Variants in ZDHHC22 observed in about 807,000 individuals in gnomAD.
ZDHHC22 encodes the protein zDHHC palmitoyltransferase 22, also known as palmitoyltransferase ZDHHC22.
ZDHHC22 carries 13 observed loss-of-function variants against 17.0 expected under a neutral mutation model. The ratio of observed to expected loss-of-function variants is 0.76; its 90% CI spans 0.50 to 1.21. ZDHHC22 has a LOEUF of 1.21. Ranked by LOEUF, ZDHHC22 falls within the 50% of genes most tolerant of loss-of-function variation. ZDHHC22 has a pLI of 0.00. For synonymous variants in ZDHHC22, 138 were observed against 154.7 expected (o/e 0.89, Z 0.80); for missense variants, 319 against 342.3 (o/e 0.93, Z 0.54).
intron 2 of ZDHHC22, among the ~76,000 whole-genome samples, chr14:77,134,973 G>A (rs1296600382): frequency 6.6e-6 from 1 of 152,200 alleles, no homozygotes; most frequent in East Asian, 1.9e-4. Context: ...TACAGAGCAG[G>A]AGACTACATC....
rs1451384725 is a variant in ZDHHC22 at position 77,141,706 on chromosome 14, G to C, written c.-118C>G. The C allele has an allele frequency of 6.6e-6, 1 of 152,314 alleles. No homozygotes were observed. Among genetic ancestry groups the C allele is most frequent in the African/African-American group, 2.4e-5 (1 of 41,450 alleles). The allele number at this position is 152,314 out of a possible 1,614,324, so 9.4% of individuals were successfully genotyped here. A position where few individuals can be genotyped will look rare whatever the true frequency, so the allele number is the denominator to read the frequency against. ...CCGGCTGGCTCGCAGCCTGCGCTTCGCTTCGGGAACTGGGCAAGTAGCGGG... is the reference window on the plus strand; with the variant it reads ...CCGGCTGGCTCGCAGCCTGCGCTTCCCTTCGGGAACTGGGCAAGTAGCGGG... On this transcript the variant is annotated 5_prime_UTR_variant, in exon 1 of 3. Coordinates refer to ENST00000319374, the MANE Select transcript of ZDHHC22 (RefSeq NM_174976.2).
At chr14:77,141,821 C>T (rs1887262273), upstream of ZDHHC22, 1 of 152,240 alleles carries the variant, frequency 6.6e-6, no homozygotes, top group South Asian at 2.1e-4. Context: ...GGCAGCTGGG[C>T]ACCCCCCAGC....
intron 2 of ZDHHC22, among the ~76,000 whole-genome samples, chr14:77,137,377 G>T (rs767581678): frequency 7.9e-5 from 12 of 152,160 alleles, no homozygotes; most frequent in Non-Finnish European, 1.5e-4. Context: ...ATATGGACAG[G>T]CCTCAAGCCC....
Position 77,139,486 on chromosome 14 carries a change from T to G in ZDHHC22, c.253A>C (p.Arg85=). The G allele has an allele frequency of 6.2e-7, 1 of 1,613,000 alleles. No individual in the cohort carries two copies. The highest frequency in any genetic ancestry group is 8.5e-7 in the Non-Finnish European group (1 of 1,179,590). ...DLGACQGASA[R]KTPCPSPSTH... The stretch of plus-strand genomic sequence containing the variant: ...CTAGGTGAGGGGCATGGAGTCTTCC[T>G]GGCCGAGGCCCCCTGGCAGGCCCCC... The change falls in exon 2 of 3, where the codon AGG becomes CGG. Residue 85 remains arginine (R), a synonymous_variant. Coordinates refer to ENST00000319374, the MANE Select transcript of ZDHHC22 (RefSeq NM_174976.2).
In ZDHHC22 at chr14:77,138,778, T is replaced by A. The variant is rs143712178; in HGVS notation, c.526+435A>T. The stretch of plus-strand genomic sequence containing the variant: ...TCCTTGGGTGACATGTAAGCAGAAC[T>A]GGGGACCAGGCAGAGGAATGTCATA... On this transcript the variant is annotated intron_variant, in intron 2 of 2. Coordinates refer to ENST00000319374, the MANE Select transcript of ZDHHC22 (RefSeq NM_174976.2). Among the ~76,000 whole-genome samples the A allele has an allele frequency of 8.9e-3, 1,348 of 152,178 alleles. 19 individuals carry two copies. The highest frequency in any genetic ancestry group is 0.031 in the African/African-American group (1,291 of 41,500).
In ZDHHC22 at chr14:77,133,587, GGTT is replaced by G; in HGVS notation, c.*93_*95del. ...AGATGCTAGGACCTTACCAGCACAA[GGTT>G]GTAGTGAGTCATGGGTGGAGACAAG... On this transcript the variant is annotated 3_prime_UTR_variant, in exon 3 of 3. Transcript: ENST00000319374. 2 of 1,496,174 alleles carry G rather than the reference GGTT, an allele frequency of 1.3e-6. No homozygotes were observed. The highest frequency in any genetic ancestry group is 1.8e-6 in the Non-Finnish European group (2 of 1,110,568). The allele number at this position is 1,496,174 out of a possible 1,614,324, so 92.7% of individuals were successfully genotyped here. A position where few individuals can be genotyped will look rare whatever the true frequency, so the allele number is the denominator to read the frequency against.
In ZDHHC22 at chr14:77,132,333, A is replaced by G. The variant is rs945013039; in HGVS notation, c.*1350T>C. 1 of 152,314 alleles carries G rather than the reference A, an allele frequency of 6.6e-6. No homozygotes were observed. The highest frequency in any genetic ancestry group is 1.5e-5 in the Non-Finnish European group (1 of 68,130). The allele number at this position is 152,314 out of a possible 1,614,324, so 9.4% of individuals were successfully genotyped here. On this transcript the variant is annotated 3_prime_UTR_variant, in exon 3 of 3. Coordinates refer to ENST00000319374, the MANE Select transcript of ZDHHC22 (RefSeq NM_174976.2). ...CACTGCTCCATCTCCCTGTCCTCAA[A>G]TGTCAGTCCCCTCAACCACCCAGGT...
intron 2 of ZDHHC22, among the ~76,000 whole-genome samples, chr14:77,135,240 C>A (rs1162591635): frequency 6.6e-6 from 1 of 151,394 alleles, no homozygotes; most frequent in Non-Finnish European, 1.5e-5. Flanking sequence ...CTATTCTGCC[C>A]TTGAAAATCT....
intron 2 of ZDHHC22, 140 bp from the exon 3 acceptor site, chr14:77,134,088 G>A: frequency 8.8e-7 from 1 of 1,134,590 alleles, no homozygotes; most frequent in Non-Finnish European, 1.2e-6. Context: ...CCTCAGCGCT[G>A]CAGCTGCAGT....
chr14:77,140,985 C>A lies in ZDHHC22; in HGVS notation c.-15+618G>T, dbSNP rs887683056. 1 of 152,412 alleles carries A rather than the reference C, an allele frequency of 6.6e-6. No homozygotes were observed. The highest frequency in any genetic ancestry group is 1.9e-4 in the East Asian group (1 of 5,178). 9.4% of individuals were successfully genotyped at this position (152,412 alleles called of 1,614,324 possible). A position where few individuals can be genotyped will look rare whatever the true frequency, so the allele number is the denominator to read the frequency against. ...GGATGGGTGGATGCCACGGGGCCTC[C>A]GTCCAGGCTGTCCCGTCCGCACGGG... On this transcript the variant is annotated intron_variant, in intron 1 of 2. Coordinates refer to ENST00000319374, the MANE Select transcript of ZDHHC22 (RefSeq NM_174976.2). This position sits in a 1 kb window ranked among gnomAD's most constrained non-coding sequence, Gnocchi z 5.9.
At position 77,140,053 on chromosome 14, in the gene ZDHHC22, T is replaced by A. The variant is rs1546437; in HGVS notation, c.-14-301A>T. ...GGAGGGAGGGACTCGTTTGCAGTCTTTAGGAGTTGTGAGGGTGGGGGGCAC... is the reference window on the plus strand; with the variant it reads ...GGAGGGAGGGACTCGTTTGCAGTCTATAGGAGTTGTGAGGGTGGGGGGCAC... On this transcript the variant is annotated intron_variant, in intron 1 of 2. Transcript: ENST00000319374. The surrounding 1 kb of genome is among the most constrained non-coding windows in gnomAD (Gnocchi z 5.9). Among the ~76,000 whole-genome samples, 151,504 of 152,200 alleles carry A rather than the reference T, an allele frequency of 1. 75,417 individuals are homozygous for A. Among genetic ancestry groups the A allele is most frequent in the East Asian group, 1 (5,154 of 5,154 alleles).
chr14:77,136,995 G>C (rs1887148492), intron 2 of ZDHHC22, among the ~76,000 whole-genome samples: 1 of 152,140 alleles, frequency 6.6e-6, no homozygotes, highest in South Asian at 2.1e-4. Flanking sequence ...TGCCCAGGCT[G>C]ATCTTGAACT....
chr14:77,133,959 C>G lies in ZDHHC22; in HGVS notation c.527-11G>C, dbSNP rs555619021. ...AACCCAGGACAGCTCCTGCAGGGCA[C>G]GGGGAGGGGAAACACCAGAGCCGCT... is the stretch of plus-strand genomic sequence containing the variant. On this transcript the variant is annotated splice_polypyrimidine_tract_variant and intron_variant, in intron 2 of 2. Coordinates refer to ENST00000319374, the MANE Select transcript of ZDHHC22 (RefSeq NM_174976.2). The G allele has an allele frequency of 2.6e-6, 4 of 1,551,212 alleles. No individual in the cohort carries two copies. Among genetic ancestry groups the G allele is most frequent in the African/African-American group, 2.7e-5 (2 of 73,118 alleles).
In ZDHHC22 at chr14:77,139,679, C is replaced by T; in HGVS notation, c.60G>A (p.Leu20=). ...VAPAYFLCIS[L]VTFVLQLFLF... is the part of the protein sequence containing the mutation. ...GGAAGAGCTGCAGCACGAAGGTCAC[C>T]AGGGAGATGCACAAGAAGTAGGCGG... is the stretch of plus-strand genomic sequence containing the variant. The change falls in exon 2 of 3, where the codon CTG becomes CTA. Residue 20 remains leucine (L), a synonymous_variant. Transcript: ENST00000319374. 1 of 1,545,912 alleles carries T rather than the reference C, an allele frequency of 6.5e-7. No homozygotes were observed. The highest frequency in any genetic ancestry group is 8.7e-7 in the Non-Finnish European group (1 of 1,146,398).
chr14:77,137,974 C>T (rs1451360679), intron 2 of ZDHHC22, among the ~76,000 whole-genome samples: 1 of 152,142 alleles, frequency 6.6e-6, no homozygotes, highest in Non-Finnish European at 1.5e-5. Context: ...CAGAGACTGC[C>T]ACTCAGTAGC....
chr14:77,137,905 A>G (rs1191895153), intron 2 of ZDHHC22, among the ~76,000 whole-genome samples: 1 of 152,104 alleles, frequency 6.6e-6, no homozygotes. Flanking sequence ...GTGAGGAAGC[A>G]TGTTCTATTC....
In ZDHHC22 at chr14:77,132,606, G is replaced by A. The variant is rs2140047666; in HGVS notation, c.*1077C>T. 1 of 152,312 alleles carries A rather than the reference G, an allele frequency of 6.6e-6. No individual in the cohort carries two copies. The allele number at this position is 152,312 out of a possible 1,614,324, so 9.4% of individuals were successfully genotyped here. Reference sequence around the variant, plus strand: ...AGCATGCCTGGCAGACGACTGCCTAGACTCTGCTGGAATACCTCCAGTGAT... The same window carrying A: ...AGCATGCCTGGCAGACGACTGCCTAAACTCTGCTGGAATACCTCCAGTGAT... On this transcript the variant is annotated 3_prime_UTR_variant, in exon 3 of 3. Transcript: ENST00000319374.
chr14:77,134,238 G>C (rs1787702416), intron 2 of ZDHHC22, among the ~76,000 whole-genome samples: 1 of 152,182 alleles, frequency 6.6e-6, no homozygotes, highest in South Asian at 2.1e-4. Flanking sequence ...TCAGCTCCTG[G>C]GGCAGCACCT....
Position 77,139,686 on chromosome 14 carries a change from A to G in ZDHHC22, c.53T>C (p.Ile18Thr). ...CTGCAGCACGAAGGTCACCAGGGAG[A>G]TGCACAAGAAGTAGGCGGGGGCCAC... is the stretch of plus-strand genomic sequence containing the variant. Reference protein sequence around the residue: ...NVVAPAYFLCISLVTFVLQLF... With the variant: ...NVVAPAYFLCTSLVTFVLQLF... The change falls in exon 2 of 3, where the codon ATC becomes ACC. Residue 18 changes from isoleucine (I) to threonine (T), a missense_variant. Coordinates refer to ENST00000319374, the MANE Select transcript of ZDHHC22 (RefSeq NM_174976.2). 6.5e-7 allele frequency: 1 copy of G among 1,541,606 alleles called. No homozygotes were observed. The highest frequency in any genetic ancestry group is 8.7e-7 in the Non-Finnish European group (1 of 1,144,628).
Sources: gnomAD v4.1 joint callset for allele counts (sites outside exome capture counted in the v4.1 genomes callset) on GRCh38, gnomAD v4.1.1 for gene constraint, Gnocchi (gnomAD v3.1) non-coding constraint, MANE v1.5 for transcripts, NCBI Gene and HGNC (gene_info 2026-07-23, HGNC 2026-07-21) for gene names.